TTLL6: variants seen among roughly 807,000 people sequenced by gnomAD.
The protein encoded by TTLL6 is tubulin polyglutamylase TTLL6.
TTLL6 carries 75 observed loss-of-function variants against 96.4 expected under a neutral mutation model. That is an observed-to-expected ratio of 0.78 (90% confidence interval 0.65 to 0.94). The LOEUF is 0.94. Among genes scored for constraint, TTLL6 ranks in the 40% least tolerant of loss-of-function variants. The pLI is 0.00. For synonymous variants in TTLL6, 411 were observed against 419.4 expected, an observed-to-expected ratio of 0.98 and a Z score of 0.24; for missense variants, 1,030 against 1,093.0, an observed-to-expected ratio of 0.94 and a Z score of 0.81.
At chr17:48,805,720 C>T (rs2039495397) in intron 1 of TTLL6, among the ~76,000 whole-genome samples, 3 of 152,216 alleles carry the variant, frequency 2.0e-5, no homozygotes, top group Admixed American at 2.0e-4. Flanking sequence ...CGCCTGTAAT[C>T]CCAACACTCT....
At chr17:48,797,000 A>T (rs1597990701) in intron 7 of TTLL6, 61 bp downstream of exon 7, 8 of 1,045,010 alleles carry the variant, frequency 7.7e-6, no homozygotes, top group Middle Eastern at 2.3e-4. Flanking sequence ...TTTAACTAGA[A>T]TTTTTTTTTT....
At chr17:48,766,980 G>A (rs936493395) in intron 15 of TTLL6, among the ~76,000 whole-genome samples, 4 of 152,210 alleles carry the variant, frequency 2.6e-5, no homozygotes, top group African/African-American at 9.6e-5. Context: ...ATGGAGTCTC[G>A]CTCTGTCTCC....
At chr17:48,774,119 A>T (rs1459112963) in intron 13 of TTLL6, among the ~76,000 whole-genome samples, 1 of 149,550 alleles carries the variant, frequency 6.7e-6, no homozygotes, top group Non-Finnish European at 1.5e-5. Flanking sequence ...AAAACAAGAA[A>T]AGTAAAATAA....
At chr17:48,810,748 T>C (rs2039568214) in intron 1 of TTLL6, among the ~76,000 whole-genome samples, 1 of 117,604 alleles carries the variant, frequency 8.5e-6, no homozygotes, top group African/African-American at 3.3e-5. Flanking sequence ...TGTATATATA[T>C]ATAGTACATA....
chr17:48,770,816 C>A (rs1237485332), intron 13 of TTLL6, among the ~76,000 whole-genome samples: 1 of 151,646 alleles, frequency 6.6e-6, no homozygotes, highest in Non-Finnish European at 1.5e-5. Context: ...CTCCTGCCTC[C>A]TGGAGGCAGG....
intron 1 of TTLL6, among the ~76,000 whole-genome samples, chr17:48,810,416 T>G (rs2039563208): frequency 6.6e-6 from 1 of 152,002 alleles, no homozygotes; most frequent in South Asian, 2.1e-4. Context: ...TGCTTTCATT[T>G]CCCCCAAGCT....
intron 11 of TTLL6, among the ~76,000 whole-genome samples, chr17:48,787,534 G>A (rs2039125626): frequency 6.6e-6 from 1 of 152,106 alleles, no homozygotes; most frequent in South Asian, 2.1e-4. Flanking sequence ...GGGAGTATAG[G>A]CACATGCAAC....
chr17:48,769,029 T>C lies in TTLL6; in HGVS notation c.2636A>G (p.His879Arg). 1.2e-6 allele frequency: 2 copies of C among 1,614,212 alleles called. No individual in the cohort carries two copies. The highest frequency in any genetic ancestry group is 1.7e-6 in the Non-Finnish European group (2 of 1,180,022). Residue 879 changes from histidine to arginine, a missense_variant, in exon 15 of 16, where the codon CAT (histidine) becomes CGT (arginine). Transcript: ENST00000393382. ...PCMQDQEAYSHCLISGQKGCE... is the reference protein window; with the variant it reads ...PCMQDQEAYSRCLISGQKGCE... ...TCCTTTTTGGCCAGAGATCAGGCAATGGCTGTATGCTTCTTGATCCTGCAT... is the reference window on the plus strand; with the variant it reads ...TCCTTTTTGGCCAGAGATCAGGCAACGGCTGTATGCTTCTTGATCCTGCAT...
chr17:48,786,142 G>GA, intron 12 of TTLL6, 22 bp downstream of exon 12: 1 of 1,613,938 alleles, frequency 6.2e-7, no homozygotes, highest in South Asian at 1.1e-5. Flanking sequence ...GGCTACGTGT[G>GA]TTCCCCTCAA....
At chr17:48,810,825 GTA>G (rs1555569643) in intron 1 of TTLL6, among the ~76,000 whole-genome samples, 8,450 of 84,214 alleles carry the variant, frequency 0.1, 650 homozygotes, top group African/African-American at 0.2. Flanking sequence ...GTATGTGTGT[GTA>G]TATATATATA....
Position 48,786,205 on chromosome 17 carries a change from G to A in TTLL6, c.1720C>T (p.Gln574Ter), listed in dbSNP as rs759001892. The change falls in exon 12 of 16, where the codon CAA becomes TAA. Residue 574 changes from glutamine (Q) to a stop codon, truncating the protein, a stop_gained. Coordinates refer to ENST00000393382, the MANE Select transcript of TTLL6 (RefSeq NM_001130918.3). LOFTEE classifies it high-confidence loss of function. ...KKGMRGWQQK[Q>*]QQKDKAATQA... ...GTGGCGGCCTTGTCTTTCTGCTGTT[G>A]TTTCTGTTGCCAGCCCCTCATGCCC... 1.1e-5 allele frequency: 17 copies of A among 1,614,080 alleles called. No individual in the cohort carries two copies. The East Asian group carries it at 3.8e-4, about 36-fold the overall frequency.
chr17:48,799,932 G>T, intron 5 of TTLL6, 172 bp from the exon 6 acceptor site: 1 of 612,836 alleles, frequency 1.6e-6, no homozygotes, highest in Non-Finnish European at 2.8e-6. Context: ...GCAGTGGGGA[G>T]TGTGGGCTTC....
chr17:48,780,943 CT>C (rs2038973223), intron 13 of TTLL6, among the ~76,000 whole-genome samples: 1 of 152,064 alleles, frequency 6.6e-6, no homozygotes, highest in Non-Finnish European at 1.5e-5. Context: ...ATGAAAAATG[CT>C]GCAATGAACA....
At chr17:48,774,416 G>C (rs544931019) in intron 13 of TTLL6, among the ~76,000 whole-genome samples, 1 of 151,422 alleles carries the variant, frequency 6.6e-6, no homozygotes, top group African/African-American at 2.4e-5. Flanking sequence ...CGCCCGCCTC[G>C]GCCTCCCAAA....
chr17:48,776,391 G>T (rs1433112628), intron 13 of TTLL6, among the ~76,000 whole-genome samples: 1 of 152,192 alleles, frequency 6.6e-6, no homozygotes, highest in Non-Finnish European at 1.5e-5. Context: ...AACCTGGGAG[G>T]TGGAGGTTGC....
chr17:48,786,099 C>A, intron 12 of TTLL6, 65 bp downstream of exon 12: 1 of 1,602,806 alleles, frequency 6.2e-7, no homozygotes, highest in Non-Finnish European at 8.5e-7. Flanking sequence ...CTCAGCACCC[C>A]TCCACGGATC....
chr17:48,803,412 C>T (rs1202081935), intron 3 of TTLL6, among the ~76,000 whole-genome samples: 2 of 149,966 alleles, frequency 1.3e-5, no homozygotes, highest in Non-Finnish European at 3.0e-5. Context: ...AGGAGAATCA[C>T]TTAAACCTAG....
intron 3 of TTLL6, among the ~76,000 whole-genome samples, 182 bp downstream of exon 3, chr17:48,803,709 T>C (rs1271575827): frequency 6.6e-6 from 1 of 152,242 alleles, no homozygotes; most frequent in Non-Finnish European, 1.5e-5. Context: ...TGAAAACCCA[T>C]GACTCTTGGA....
chr17:48,778,631 T>TA (rs542565908), intron 13 of TTLL6, among the ~76,000 whole-genome samples: 1,639 of 137,848 alleles, frequency 0.012, 29 homozygotes, highest in South Asian at 0.1. Context: ...CTCAGTCTCT[T>TA]AAAAAAAAAA....
Sources: gnomAD v4.1 joint callset for allele counts (sites outside exome capture counted in the v4.1 genomes callset) on GRCh38, gnomAD v4.1.1 for gene constraint, MANE v1.5 for transcripts, NCBI Gene and HGNC (gene_info 2026-07-23, HGNC 2026-07-21) for gene names.